AFF1: variants seen among roughly 807,000 people sequenced by gnomAD.
AFF1 encodes AF4/FMR2 family member 1.
A neutral mutation model predicts 121.7 loss-of-function variants in AFF1; 48 were observed. The ratio of observed to expected loss-of-function variants is 0.39; its 90% CI spans 0.31 to 0.50. The LOEUF is 0.50. Ranked by LOEUF, AFF1 falls within the 20% of genes least tolerant of loss-of-function variation. The pLI is 0.76. For synonymous variants in AFF1, 613 were observed against 563.0 expected (o/e 1.09, Z -1.26); for missense variants, 1,523 against 1,511.7 (o/e 1.01, Z -0.12).
At position 86,985,244 on chromosome 4, in the gene AFF1, C is replaced by T. The variant is rs185619809; in HGVS notation, c.38+36673C>T. On this transcript the variant is annotated intron_variant, in intron 2 of 20. Transcript: ENST00000395146. ...TTATATTTTAGGCCGGGCAGAGGGG[C>T]TCACGCCTGTAATCCCAGCACTTTG... Among the ~76,000 whole-genome samples the T allele has an allele frequency of 9.2e-3, 1,263 of 137,618 alleles. 14 individuals are homozygous for T. The highest frequency in any genetic ancestry group is 0.048 in the Middle Eastern group (12 of 250). 90.3% of individuals were successfully genotyped at this position (137,618 alleles called of 152,430 possible). A position where few individuals can be genotyped will look rare whatever the true frequency, so the allele number is the denominator to read the frequency against.
intron 4 of AFF1, among the ~76,000 whole-genome samples, chr4:87,075,246 T>G (rs1040308276): frequency 6.6e-6 from 1 of 152,136 alleles, no homozygotes; most frequent in Non-Finnish European, 1.5e-5. Flanking sequence ...TTTAGCTTGT[T>G]TTTGCTTTAG....
intron 2 of AFF1, among the ~76,000 whole-genome samples, chr4:86,997,367 T>C (rs1043404441): frequency 6.6e-6 from 1 of 152,250 alleles, no homozygotes; most frequent in African/African-American, 2.4e-5. Context: ...CCTCCATAAC[T>C]GTAAGGAATA....
At chr4:87,070,350 G>A (rs1721902330) in intron 4 of AFF1, among the ~76,000 whole-genome samples, 1 of 151,998 alleles carries the variant, frequency 6.6e-6, no homozygotes, top group Non-Finnish European at 1.5e-5. Flanking sequence ...TGTTGACCAG[G>A]CTGGTCTCGA....
intron 18 of AFF1, 75 bp from the exon 19 acceptor site, chr4:87,132,196 G>A (rs568633673): frequency 1.3e-6 from 2 of 1,546,828 alleles, no homozygotes; most frequent in Non-Finnish European, 8.8e-7. Context: ...TGTTCATTAG[G>A]CTATAAAAGG....
chr4:86,941,863 T>C (rs1344760545), intron 1 of AFF1, among the ~76,000 whole-genome samples: 1 of 151,680 alleles, frequency 6.6e-6, no homozygotes, highest in African/African-American at 2.4e-5. Flanking sequence ...AAAAAGACAA[T>C]TGATGCCTCT....
chr4:86,960,165 G>C (rs1043475321), intron 2 of AFF1, among the ~76,000 whole-genome samples: 1 of 152,036 alleles, frequency 6.6e-6, no homozygotes, highest in Non-Finnish European at 1.5e-5. Context: ...GCTGCTCTTC[G>C]TTTGAATTTT....
chr4:86,949,733 C>T lies in AFF1; in HGVS notation c.38+1162C>T, dbSNP rs560402299. 2.7e-5 allele frequency: 44 copies of T among 1,601,274 alleles called. No homozygotes were observed. In the Middle Eastern group the frequency reaches 1.2e-3, roughly 43 times the overall value. On this transcript the variant is annotated intron_variant, in intron 2 of 20. Coordinates refer to ENST00000395146, the MANE Select transcript of AFF1 (RefSeq NM_001166693.3). ...GTCCCGGAACTCCTTCAGGTAGCTG[C>T]GGTGCTTGCCCTTGGCCCAGATGGT...
chr4:87,017,940 TAAAA>T (rs11410710), intron 2 of AFF1, among the ~76,000 whole-genome samples: 2 of 148,398 alleles, frequency 1.3e-5, no homozygotes, highest in Non-Finnish European at 3.0e-5. Context: ...TCGTTCTATT[TAAAA>T]AAAAAAAAGC....
intron 2 of AFF1, among the ~76,000 whole-genome samples, chr4:87,003,739 A>T (rs1725892614): frequency 6.6e-6 from 1 of 152,250 alleles, no homozygotes; most frequent in African/African-American, 2.4e-5. Context: ...GATCACAGTC[A>T]ATATAGATAA....
chr4:86,974,967 A>G (rs1056231607), intron 2 of AFF1, among the ~76,000 whole-genome samples: 2 of 152,168 alleles, frequency 1.3e-5, no homozygotes, highest in Non-Finnish European at 2.9e-5. Flanking sequence ...TGTCCGTGCT[A>G]TAAAGATTTT....
At chr4:86,953,698 C>T (rs1721538986) in intron 2 of AFF1, among the ~76,000 whole-genome samples, 1 of 152,010 alleles carries the variant, frequency 6.6e-6, no homozygotes, top group Admixed American at 6.6e-5. Flanking sequence ...ATTATTAGTA[C>T]AGTTTAGTGC....
Position 87,094,521 on chromosome 4 carries a change from G to A in AFF1, c.1229-394G>A, listed in dbSNP as rs532604840. Among the ~76,000 whole-genome samples the A allele has an allele frequency of 2.0e-5, 3 of 152,286 alleles. No individual in the cohort carries two copies. The South Asian group carries it at 6.2e-4, about 32-fold the overall frequency. On this transcript the variant is annotated intron_variant, in intron 7 of 20. Transcript: ENST00000395146. ...TGGGATGGAGAGCACCTAGGACAGA[G>A]CTGTCTAAAGAGAGTGATAACAAAT...
chr4:86,980,497 A>G (rs1341967661), intron 2 of AFF1, among the ~76,000 whole-genome samples: 1 of 152,134 alleles, frequency 6.6e-6, no homozygotes, highest in Non-Finnish European at 1.5e-5. Context: ...TCTCTAAGAA[A>G]ATAAAAAAGG....
chr4:87,015,073 ATTGAG>A (rs1560540602), intron 2 of AFF1, among the ~76,000 whole-genome samples: 1 of 152,146 alleles, frequency 6.6e-6, no homozygotes, highest in African/African-American at 2.4e-5. Flanking sequence ...AGAACGTGTT[ATTGAG>A]TTAATATTGC....
intron 2 of AFF1, among the ~76,000 whole-genome samples, chr4:87,008,853 T>A (rs920965331): frequency 6.6e-6 from 1 of 152,202 alleles, no homozygotes; most frequent in Admixed American, 6.5e-5. Context: ...TTTTAATAGG[T>A]GCTTGTCTAT....
intron 1 of AFF1, among the ~76,000 whole-genome samples, chr4:86,947,817 TTG>T (rs1001035879): frequency 2.1e-4 from 12 of 56,146 alleles, no homozygotes; most frequent in Non-Finnish European, 4.1e-4. Flanking sequence ...CGGTTTTTGT[TTG>T]TTTTTTTTTT....
At chr4:87,106,778 C>T (rs887922412) in intron 10 of AFF1, among the ~76,000 whole-genome samples, 1 of 152,222 alleles carries the variant, frequency 6.6e-6, no homozygotes, top group Non-Finnish European at 1.5e-5. Context: ...GAGATGTGCT[C>T]ATCCACTCAG....
At chr4:87,015,970 C>T (rs917614541) in intron 2 of AFF1, among the ~76,000 whole-genome samples, 1 of 152,212 alleles carries the variant, frequency 6.6e-6, no homozygotes, top group Non-Finnish European at 1.5e-5. Flanking sequence ...CACCTGAGGT[C>T]AGGAGTTTGA....
At chr4:87,070,354 G>A (rs1721903105) in intron 4 of AFF1, among the ~76,000 whole-genome samples, 1 of 152,094 alleles carries the variant, frequency 6.6e-6, no homozygotes. Context: ...GACCAGGCTG[G>A]TCTCGAACTC....
Sources: gnomAD v4.1 joint callset for allele counts (sites outside exome capture counted in the v4.1 genomes callset) on GRCh38, gnomAD v4.1.1 for gene constraint, MANE v1.5 for transcripts, NCBI Gene and HGNC (gene_info 2026-07-23, HGNC 2026-07-21) for gene names.